The following C8B variants were observed in gnomAD, a reference collection of about 807,000 sequenced individuals.
C8B encodes complement C8 beta chain, also known as complement component C8 beta chain.
A neutral mutation model predicts 64.6 loss-of-function variants in C8B; 67 were observed. The observed-to-expected ratio is 1.04, with a 90% CI of 0.85 to 1.27. The LOEUF is 1.27. Among genes scored for constraint, C8B ranks in the 50% most tolerant of loss-of-function variants. The probability of loss-of-function intolerance (pLI) is 0.00; values close to 1 mark genes in which losing one functional copy is unlikely to be tolerated. For missense variants in C8B, 790 were observed against 725.2 expected (o/e 1.09, Z -1.03); for synonymous variants, 284 against 257.7 (o/e 1.10, Z -0.98).
intron 1 of C8B, among the ~76,000 whole-genome samples, chr1:56,961,298 G>C (rs373934399): frequency 6.6e-6 from 1 of 152,216 alleles, no homozygotes; most frequent in African/African-American, 2.4e-5. Context: ...AAGGAATGGA[G>C]GTTTGCTGAG....
At chr1:56,940,189 C>G (rs936186766) in intron 9 of C8B, among the ~76,000 whole-genome samples, 1 of 151,932 alleles carries the variant, frequency 6.6e-6, no homozygotes, top group African/African-American at 2.4e-5. Context: ...GAGTGATTCT[C>G]TAATGAAATA....
chr1:56,950,987 T>A (rs1645012766), intron 5 of C8B, among the ~76,000 whole-genome samples: 1 of 152,118 alleles, frequency 6.6e-6, no homozygotes, highest in African/African-American at 2.4e-5. Flanking sequence ...GAGAGTGTGT[T>A]TGGCGCTAAG....
chr1:56,952,900 T>C (rs548944773), intron 4 of C8B, among the ~76,000 whole-genome samples: 1 of 152,352 alleles, frequency 6.6e-6, no homozygotes, highest in East Asian at 1.9e-4. Context: ...ATAAATGTGC[T>C]ATTTATGTAT....
chr1:56,960,219 A>T (rs1223532666), intron 1 of C8B, 43 bp from the exon 2 acceptor site: 2 of 1,559,904 alleles, frequency 1.3e-6, no homozygotes, highest in African/African-American at 2.7e-5. Context: ...ATCAGAAGGG[A>T]ATTAAGTATA....
At chr1:56,939,636 AT>A (rs2101380406) in intron 9 of C8B, among the ~76,000 whole-genome samples, 1 of 152,328 alleles carries the variant, frequency 6.6e-6, no homozygotes, top group South Asian at 2.1e-4. Flanking sequence ...GCTGACGTGT[AT>A]GACAGTCCTG....
intron 2 of C8B, among the ~76,000 whole-genome samples, chr1:56,957,356 A>T (rs184127253): frequency 6.6e-6 from 1 of 152,358 alleles, no homozygotes; most frequent in Non-Finnish European, 1.5e-5. Context: ...TCCTGAAGGC[A>T]TCAGTATATT....
intron 1 of C8B, among the ~76,000 whole-genome samples, chr1:56,963,106 C>T (rs975226187): frequency 6.6e-6 from 1 of 152,196 alleles, no homozygotes; most frequent in African/African-American, 2.4e-5. Context: ...GCCCCCTCTA[C>T]TTAAGGACTG....
intron 4 of C8B, among the ~76,000 whole-genome samples, chr1:56,952,585 C>A (rs890045808): frequency 6.6e-6 from 1 of 152,176 alleles, no homozygotes; most frequent in South Asian, 2.1e-4. Context: ...CTCATAACAC[C>A]CTGTGCTCGC....
chr1:56,943,571 G>T, intron 8 of C8B, 125 bp downstream of exon 8: 1 of 1,095,538 alleles, frequency 9.1e-7, no homozygotes, highest in Non-Finnish European at 1.4e-6. Context: ...AAAAACAGAA[G>T]GACATAGTTG....
At chr1:56,956,641 G>A in intron 3 of C8B, 128 bp downstream of exon 3, 1 of 922,720 alleles carries the variant, frequency 1.1e-6, no homozygotes. Context: ...AGAGATTTTA[G>A]GACAAGGAGG....
At chr1:56,929,659 T>A in intron 11 of C8B, 101 bp from the exon 12 acceptor site, 1 of 1,101,446 alleles carries the variant, frequency 9.1e-7, no homozygotes, top group Non-Finnish European at 1.4e-6. Context: ...TTTGGGAGTC[T>A]GAATCTCTGA....
At chr1:56,934,822 G>T (rs189425263) in intron 9 of C8B, among the ~76,000 whole-genome samples, 1 of 152,092 alleles carries the variant, frequency 6.6e-6, no homozygotes, top group African/African-American at 2.4e-5. Flanking sequence ...AGAAAGAGGG[G>T]AGCTTGCTTT....
At chr1:56,955,801 TC>T (rs1265733572) in intron 3 of C8B, among the ~76,000 whole-genome samples, 2 of 152,224 alleles carry the variant, frequency 1.3e-5, no homozygotes, top group Non-Finnish European at 2.9e-5. Flanking sequence ...TCTTGAAAGA[TC>T]CCCATGCACA....
intron 2 of C8B, among the ~76,000 whole-genome samples, chr1:56,957,210 A>G (rs1645116465): frequency 6.6e-6 from 1 of 152,202 alleles, no homozygotes; most frequent in Admixed American, 6.5e-5. Context: ...AATGTGGGAA[A>G]GTCAGCCCAT....
rs1166017498 is a variant in C8B, at chr1:56,941,501, GATAGATAC to G, written c.1235-497_1235-490del. 7.4e-3 allele frequency among the ~76,000 whole-genome samples: 247 copies of G among 33,544 alleles called. 2 individuals carry two copies. Among genetic ancestry groups the G allele is most frequent in the Admixed American group, 0.012 (39 of 3,374 alleles). 22.0% of individuals were successfully genotyped at this position (33,544 alleles called of 152,430 possible). A position where few individuals can be genotyped will look rare whatever the true frequency, so the allele number is the denominator to read the frequency against. On this transcript the variant is annotated intron_variant, in intron 8 of 11. Transcript: ENST00000371237. The stretch of plus-strand genomic sequence containing the variant: ...AGATAATAGTAGATAATAGTAGATA[GATAGATAC>G]ATAGATAGATAGATAGATAGATAGA...
At chr1:56,931,763 G>T in intron 11 of C8B, 47 bp downstream of exon 11, 2 of 1,323,404 alleles carry the variant, frequency 1.5e-6, no homozygotes, top group South Asian at 1.2e-5. Context: ...TTCTTCTGGT[G>T]AATTATTCTC....
chr1:56,949,313 C>G (rs1181125001), intron 6 of C8B, among the ~76,000 whole-genome samples: 2 of 152,086 alleles, frequency 1.3e-5, no homozygotes, highest in African/African-American at 4.8e-5. Flanking sequence ...TGAAGTTCAG[C>G]CCCCTTTTTT....
At chr1:56,945,746 G>A (rs1262232966) in intron 7 of C8B, 75 bp downstream of exon 7, 1 of 1,583,478 alleles carries the variant, frequency 6.3e-7, no homozygotes, top group Non-Finnish European at 8.7e-7. Context: ...CAGGAAGGTA[G>A]AAAGAAAACT....
intron 1 of C8B, among the ~76,000 whole-genome samples, chr1:56,961,491 C>T (rs151266333): frequency 3.3e-5 from 5 of 152,272 alleles, no homozygotes; most frequent in African/African-American, 7.2e-5. Flanking sequence ...AGTGGTGTTA[C>T]GATCTGAGCC....
Sources: allele counts gnomAD v4.1 joint callset (sites outside exome capture counted in the v4.1 genomes callset), GRCh38; gene constraint gnomAD v4.1.1; transcripts MANE v1.5; gene names NCBI Gene and HGNC (gene_info 2026-07-23, HGNC 2026-07-21).